Variants in DDX59 observed in about 807,000 individuals in gnomAD.
DDX59 encodes the protein DEAD-box helicase 59, also known as probable ATP-dependent RNA helicase DDX59.
In DDX59, 30 loss-of-function variants were observed where a neutral mutation model predicts 51.9. The ratio of observed to expected loss-of-function variants is 0.58; its 90% CI spans 0.43 to 0.78. The LOEUF is 0.78. Ranked by LOEUF, DDX59 falls within the 30% of genes least tolerant of loss-of-function variation. The pLI, the probability that DDX59 is intolerant of heterozygous loss-of-function variation, is 0.00. For synonymous variants in DDX59, 255 were observed against 253.3 expected (o/e 1.01, Z -0.06); for missense variants, 672 against 730.8 (o/e 0.92, Z 0.93).
intron 4 of DDX59, among the ~76,000 whole-genome samples, chr1:200,655,416 G>T (rs780254385): frequency 2.0e-4 from 30 of 152,114 alleles, no homozygotes; most frequent in Admixed American, 3.9e-4. Flanking sequence ...CATTTCTCCT[G>T]TATCACGCAG....
At chr1:200,657,735 C>G (rs553420314) in intron 4 of DDX59, among the ~76,000 whole-genome samples, 3 of 133,964 alleles carry the variant, frequency 2.2e-5, no homozygotes, top group South Asian at 2.3e-4. Context: ...GATGACAGAG[C>G]AAGACTCTGT....
chr1:200,662,528 C>T (rs578140573), intron 3 of DDX59, among the ~76,000 whole-genome samples: 7 of 152,184 alleles, frequency 4.6e-5, no homozygotes, highest in Admixed American at 2.0e-4. Context: ...TGGTGGTGGG[C>T]GCCTGTAGTC....
At chr1:200,645,605 T>C (rs1661248035) in intron 7 of DDX59, among the ~76,000 whole-genome samples, 1 of 152,188 alleles carries the variant, frequency 6.6e-6, no homozygotes, top group African/African-American at 2.4e-5. Context: ...CACAAATTTA[T>C]GGAGTATCAA....
chr1:200,650,750 T>C (rs1661608707), intron 4 of DDX59, 74 bp from the exon 5 acceptor site: 1 of 1,295,726 alleles, frequency 7.7e-7, no homozygotes, highest in Non-Finnish European at 1.0e-6. Context: ...AAGACTGATA[T>C]AATTAACAAT....
rs746204054 is a variant in DDX59 at position 200,666,641 on chromosome 1, A to C, written c.100T>G (p.Leu34Val). Reference sequence around the variant, plus strand: ...ACGGGAACATCTCTGCTTTTGTCCAACTGAAGGTCTTCTGGGTCTGGTTTA... The same window carrying C: ...ACGGGAACATCTCTGCTTTTGTCCACCTGAAGGTCTTCTGGGTCTGGTTTA... ...IIKPDPEDLQ[L>V]DKSRDVPVDA... Residue 34 changes from leucine to valine, a missense_variant, in exon 2 of 8, where the codon TTG becomes GTG. Physicochemically the swap from Leu to Val is conservative, Grantham distance 32. Transcript: ENST00000331314. The C allele has an allele frequency of 3.7e-6, 6 of 1,614,082 alleles. No homozygotes were observed. In the African/African-American group the frequency reaches 5.3e-5, roughly 14 times the overall value.
At chr1:200,669,508 T>A (rs1392175617) in intron 1 of DDX59, 1 of 152,484 alleles carries the variant, frequency 6.6e-6, no homozygotes, top group African/African-American at 2.4e-5. Flanking sequence ...CGCACCCCCG[T>A]GCACTGGCGG....
chr1:200,653,570 T>C (rs1222543039), intron 4 of DDX59, among the ~76,000 whole-genome samples: 1 of 152,218 alleles, frequency 6.6e-6, no homozygotes, highest in Non-Finnish European at 1.5e-5. Context: ...CCTCCTCTGC[T>C]TAAACCCTCC....
chr1:200,664,545 T>C lies in DDX59; in HGVS notation c.805-459A>G, dbSNP rs547726215. 5.3e-5 allele frequency among the ~76,000 whole-genome samples: 8 copies of C among 152,326 alleles called. No homozygotes were observed. In the East Asian group the frequency reaches 1.3e-3, roughly 26 times the overall value. On this transcript the variant is annotated intron_variant, in intron 2 of 7. Coordinates refer to ENST00000331314, the MANE Select transcript of DDX59 (RefSeq NM_001031725.6). The stretch of plus-strand genomic sequence containing the variant: ...TATACCCATATCCTATTTCGGGCTT[T>C]ATGGCTCTATTTTGGTCTTCCAGCA...
At chr1:200,647,121 G>A (rs114650892) in intron 7 of DDX59, among the ~76,000 whole-genome samples, 3,969 of 152,290 alleles carry the variant, frequency 0.026, 69 homozygotes, top group Middle Eastern at 0.051. Flanking sequence ...GTTTCAGTGG[G>A]TGATTCCAGT....
chr1:200,664,668 C>T (rs1662599204), intron 2 of DDX59, among the ~76,000 whole-genome samples: 1 of 151,754 alleles, frequency 6.6e-6, no homozygotes, highest in African/African-American at 2.4e-5. Context: ...TATCTTTCCT[C>T]TCTTTGCCCA....
chr1:200,668,041 G>A (rs1360885602), intron 1 of DDX59, among the ~76,000 whole-genome samples: 2 of 152,164 alleles, frequency 1.3e-5, no homozygotes, highest in Non-Finnish European at 2.9e-5. Context: ...GCTCACGCCT[G>A]TAATCCTAGC....
intron 2 of DDX59, among the ~76,000 whole-genome samples, chr1:200,665,293 T>C (rs746395373): frequency 1.6e-4 from 24 of 151,944 alleles, no homozygotes; most frequent in Non-Finnish European, 3.5e-4. Flanking sequence ...CTGTCTCTAC[T>C]AAAAATACAA....
chr1:200,660,464 G>A (rs6672723), intron 3 of DDX59, among the ~76,000 whole-genome samples: 3,840 of 152,266 alleles, frequency 0.025, 64 homozygotes, highest in Middle Eastern at 0.048. Context: ...CCTGCATGGG[G>A]TGCTGCAGCC....
Position 200,666,412 on chromosome 1 carries a change from A to C in DDX59, c.329T>G (p.Val110Gly). ...GATATACTCTCCATAACGACCACAG[A>C]CAACACAGATGGGTTCCCCTGGTTC... ...WAEPGEPICV[V>G]CGRYGEYICD... The change falls in exon 2 of 8, where the codon GTC becomes GGC. Residue 110 changes from valine to glycine, a missense_variant. Physicochemically the swap from Val to Gly is moderately radical, Grantham distance 109. Transcript: ENST00000331314. 6.2e-7 allele frequency: 1 copy of C among 1,614,202 alleles called. No homozygotes were observed. The highest frequency in any genetic ancestry group is 1.7e-5 in the Admixed American group (1 of 60,026).
chr1:200,650,574 T>C lies in DDX59; in HGVS notation c.1165A>G (p.Thr389Ala). Residue 389 changes from threonine (T) to alanine (A), a missense_variant, in exon 5 of 8, where the codon ACT (threonine) becomes GCT (alanine). Physicochemically the swap from Thr to Ala is moderately conservative, Grantham distance 58 (BLOSUM62 0). Coordinates refer to ENST00000331314, the MANE Select transcript of DDX59 (RefSeq NM_001031725.6). ...QTILVSATIP[T>A]SIEQLASQLL... Reference sequence around the variant, plus strand: ...TGGCTTGCTAGCTGTTCTATGCTAGTTGGAATTGTGGCTGAAACCAAAATG... The same window carrying C: ...TGGCTTGCTAGCTGTTCTATGCTAGCTGGAATTGTGGCTGAAACCAAAATG... 1.2e-6 allele frequency: 2 copies of C among 1,614,114 alleles called. No homozygotes were observed. The highest frequency in any genetic ancestry group is 1.7e-6 in the Non-Finnish European group (2 of 1,179,988).
chr1:200,664,516 C>T (rs922098055), intron 2 of DDX59, among the ~76,000 whole-genome samples: 1 of 152,194 alleles, frequency 6.6e-6, no homozygotes, highest in African/African-American at 2.4e-5. Flanking sequence ...ATATAACTTA[C>T]ATATATACCC....
Position 200,666,265 on chromosome 1 carries a change from T to A in DDX59, c.476A>T (p.Glu159Val). 1 of 1,614,218 alleles carries A rather than the reference T, an allele frequency of 6.2e-7. No homozygotes were observed. ...GACATAGGAAGCATTCAGTGGAGACTCTGGCTCAGAATCAGCCTTCTGTGG... is the reference window on the plus strand; with the variant it reads ...GACATAGGAAGCATTCAGTGGAGACACTGGCTCAGAATCAGCCTTCTGTGG... ...SNPQKADSEP[E>V]SPLNASYVYK... The change falls in exon 2 of 8, where the codon GAG becomes GTG. Residue 159 changes from glutamate to valine, a missense_variant. Transcript: ENST00000331314.
At chr1:200,648,606 A>T in intron 6 of DDX59, 39 bp from the exon 7 acceptor site, 2 of 1,588,428 alleles carry the variant, frequency 1.3e-6, no homozygotes, top group Non-Finnish European at 1.7e-6. Flanking sequence ...TTCAGAATTT[A>T]TTTTGTGTGG....
intron 4 of DDX59, chr1:200,654,567 T>G (rs1487528740): frequency 6.6e-6 from 1 of 151,950 alleles, no homozygotes; most frequent in African/African-American, 2.4e-5. Flanking sequence ...TTAAGGAAAC[T>G]TGGGCAAACA....
Sources: allele counts gnomAD v4.1 joint callset (sites outside exome capture counted in the v4.1 genomes callset), GRCh38; gene constraint gnomAD v4.1.1; transcripts MANE v1.5; gene names NCBI Gene and HGNC (gene_info 2026-07-23, HGNC 2026-07-21).